L3MBTL4: variants seen among roughly 807,000 people sequenced by gnomAD.
L3MBTL4 encodes the protein L3MBTL histone methyl-lysine binding protein 4.
L3MBTL4 carries 70 observed loss-of-function variants against 84.5 expected under a neutral mutation model. The observed-to-expected ratio is 0.83, with a 90% confidence interval of 0.68 to 1.01. The LOEUF is 1.01. L3MBTL4 is among the 50% of genes least tolerant of loss of function. The pLI is 0.00. For missense variants in L3MBTL4, 715 were observed against 754.8 expected (o/e 0.95, Z 0.62); for synonymous variants, 274 against 259.8 (o/e 1.05, Z -0.52).
chr18:6,163,069 A>C (rs1269804962), intron 13 of L3MBTL4, among the ~76,000 whole-genome samples: 5 of 152,136 alleles, frequency 3.3e-5, no homozygotes, highest in African/African-American at 1.2e-4. Flanking sequence ...CCAGGAAAGA[A>C]GAGAGAAAAG....
chr18:6,065,190 G>A (rs1221560012), intron 16 of L3MBTL4, among the ~76,000 whole-genome samples: 1 of 151,922 alleles, frequency 6.6e-6, no homozygotes, highest in Non-Finnish European at 1.5e-5. Flanking sequence ...TGCAACCCTG[G>A]GATGAAATCT....
At chr18:6,392,923 T>A (rs953414100) in intron 1 of L3MBTL4, among the ~76,000 whole-genome samples, 2 of 151,958 alleles carry the variant, frequency 1.3e-5, no homozygotes, top group Non-Finnish European at 2.9e-5. Flanking sequence ...GACTCAGAAG[T>A]GGGGAGAGTA....
intron 10 of L3MBTL4, among the ~76,000 whole-genome samples, chr18:6,216,720 C>G (rs2046343256): frequency 6.6e-6 from 1 of 152,098 alleles, no homozygotes; most frequent in Non-Finnish European, 1.5e-5. Flanking sequence ...ATTCTTCTCA[C>G]TTTTTATTTT....
At chr18:6,221,982 T>C (rs1457131271) in intron 10 of L3MBTL4, among the ~76,000 whole-genome samples, 1 of 152,196 alleles carries the variant, frequency 6.6e-6, no homozygotes, top group Non-Finnish European at 1.5e-5. Flanking sequence ...TATGAAATAG[T>C]GGCATGCTGT....
chr18:6,104,880 C>T (rs537879417), intron 14 of L3MBTL4, among the ~76,000 whole-genome samples: 7 of 152,076 alleles, frequency 4.6e-5, no homozygotes, highest in South Asian at 4.2e-4. Flanking sequence ...ATTAACACAT[C>T]GAAGGCAAAT....
At position 6,100,318 on chromosome 18, in the gene L3MBTL4, A is replaced by G. The variant is rs189283377; in HGVS notation, c.1200-6790T>C. On this transcript the variant is annotated intron_variant, in intron 14 of 18. Coordinates refer to ENST00000317931, the MANE Select transcript of L3MBTL4 (RefSeq NM_001330559.2). Reference sequence around the variant, plus strand: ...ACTAATTATCCCATTTATTGTGGTTATTGTATTTTTCAATTCTAAAATTTC... The same window carrying G: ...ACTAATTATCCCATTTATTGTGGTTGTTGTATTTTTCAATTCTAAAATTTC... 1.9e-3 allele frequency among the ~76,000 whole-genome samples: 294 copies of G among 152,236 alleles called. 1 individual carries two copies. The highest frequency in any genetic ancestry group is 6.6e-3 in the African/African-American group (276 of 41,554).
intron 10 of L3MBTL4, among the ~76,000 whole-genome samples, chr18:6,218,699 T>C (rs570847665): frequency 6.6e-6 from 1 of 152,192 alleles, no homozygotes; most frequent in African/African-American, 2.4e-5. Flanking sequence ...GAAAATATTG[T>C]ACCTGTATAT....
intron 13 of L3MBTL4, among the ~76,000 whole-genome samples, chr18:6,167,240 C>T (rs1052459175): frequency 1.3e-5 from 2 of 152,114 alleles, no homozygotes; most frequent in African/African-American, 4.8e-5. Flanking sequence ...CTGAATTCTA[C>T]CAGAGGTACA....
At chr18:6,060,464 A>G (rs2057174951) in intron 16 of L3MBTL4, among the ~76,000 whole-genome samples, 1 of 151,914 alleles carries the variant, frequency 6.6e-6, no homozygotes, top group South Asian at 2.1e-4. Flanking sequence ...AAAAAATTTA[A>G]CAGACAGTAC....
At chr18:6,266,280 A>T (rs1004638012) in intron 4 of L3MBTL4, among the ~76,000 whole-genome samples, 2 of 152,266 alleles carry the variant, frequency 1.3e-5, no homozygotes, top group Non-Finnish European at 2.9e-5. Flanking sequence ...AACAGTGGCT[A>T]CATGTGGATG....
intron 4 of L3MBTL4, among the ~76,000 whole-genome samples, chr18:6,268,127 C>T (rs575399562): frequency 2.0e-5 from 3 of 152,124 alleles, no homozygotes; most frequent in South Asian, 4.2e-4. Context: ...TTTAATGGCC[C>T]GGGAGTGGTG....
At chr18:5,972,948 AGAATAGAATAGAATAGAATAGAATAGAAC>A (rs2052729548) in intron 16 of L3MBTL4, among the ~76,000 whole-genome samples, 1 of 78,322 alleles carries the variant, frequency 1.3e-5, no homozygotes, top group Admixed American at 1.3e-4. Flanking sequence ...AGAATAGAAT[AGAATAGAATAGAATAGAATAGAATAGAAC>A]GGAGTAAGAG....
intron 16 of L3MBTL4, among the ~76,000 whole-genome samples, chr18:6,020,882 G>C (rs2055219258): frequency 6.6e-6 from 1 of 152,184 alleles, no homozygotes; most frequent in South Asian, 2.1e-4. Flanking sequence ...GGTGGGGATA[G>C]GAGCTGGAGA....
Position 6,228,470 on chromosome 18 carries a change from G to C in L3MBTL4, c.784+9494C>G, listed in dbSNP as rs538096222. 1.5e-3 allele frequency among the ~76,000 whole-genome samples: 230 copies of C among 152,150 alleles called. 2 individuals carry two copies. The highest frequency in any genetic ancestry group is 2.1e-3 in the Non-Finnish European group (142 of 67,982). On this transcript the variant is annotated intron_variant, in intron 10 of 18. Transcript: ENST00000317931. Reference sequence around the variant, plus strand: ...AATGAAAAGATGAACCACAGACTGAGAGAAAATATTTGCAAAATACATATC... The same window carrying C: ...AATGAAAAGATGAACCACAGACTGACAGAAAATATTTGCAAAATACATATC...
At chr18:6,195,209 T>C (rs1010652529) in intron 12 of L3MBTL4, among the ~76,000 whole-genome samples, 2 of 152,108 alleles carry the variant, frequency 1.3e-5, no homozygotes, top group African/African-American at 4.8e-5. Flanking sequence ...GAGACCATGA[T>C]CTGAGCTGCC....
chr18:6,068,567 T>C (rs1022878983), intron 16 of L3MBTL4, among the ~76,000 whole-genome samples: 1 of 152,110 alleles, frequency 6.6e-6, no homozygotes, highest in Admixed American at 6.5e-5. Context: ...AGAGAGGAGT[T>C]GTGACTCTGC....
chr18:5,966,447 C>G (rs1249783654), intron 17 of L3MBTL4, among the ~76,000 whole-genome samples: 1 of 152,194 alleles, frequency 6.6e-6, no homozygotes, highest in Non-Finnish European at 1.5e-5. Flanking sequence ...CCCTGACACC[C>G]GGCTTCCAGG....
chr18:5,994,453 C>G (rs1358787107), intron 16 of L3MBTL4, among the ~76,000 whole-genome samples: 1 of 152,228 alleles, frequency 6.6e-6, no homozygotes, highest in Non-Finnish European at 1.5e-5. Flanking sequence ...CCTGCCACTT[C>G]TTGTTCTAAT....
chr18:6,362,962 C>G (rs1192712303), intron 1 of L3MBTL4, among the ~76,000 whole-genome samples: 1 of 152,252 alleles, frequency 6.6e-6, no homozygotes, highest in African/African-American at 2.4e-5. Context: ...AAGCACTCAT[C>G]TACCGTGAAC....
Sources: gnomAD v4.1 joint callset for allele counts (sites outside exome capture counted in the v4.1 genomes callset) on GRCh38, gnomAD v4.1.1 for gene constraint, MANE v1.5 for transcripts, NCBI Gene and HGNC (gene_info 2026-07-23, HGNC 2026-07-21) for gene names.